PTPRN2: variants seen among roughly 807,000 people sequenced by gnomAD.
PTPRN2 encodes protein tyrosine phosphatase receptor type N2, also known as receptor-type tyrosine-protein phosphatase N2.
A neutral mutation model predicts 118.8 loss-of-function variants in PTPRN2; 74 were observed. The ratio of observed to expected loss-of-function variants is 0.62; its 90% CI spans 0.52 to 0.76. PTPRN2 has a LOEUF of 0.76. PTPRN2 is among the 30% of genes least tolerant of loss of function. The probability of loss-of-function intolerance (pLI) is 0.00; values close to 1 mark genes in which losing one functional copy is unlikely to be tolerated. For missense variants in PTPRN2, 1,481 were observed against 1,394.4 expected, an observed-to-expected ratio of 1.06 and a Z score of -0.99; for synonymous variants, 641 against 608.0, an observed-to-expected ratio of 1.05 and a Z score of -0.80.
rs1014706708 is a variant in PTPRN2 at position 158,544,837 on chromosome 7, G to A, written c.112+42721C>T. 4.6e-5 allele frequency among the ~76,000 whole-genome samples: 7 copies of A among 152,144 alleles called. No homozygotes were observed. The highest frequency in any genetic ancestry group is 7.3e-5 in the Non-Finnish European group (5 of 68,032). On this transcript the variant is annotated intron_variant, in intron 1 of 22. Transcript: ENST00000389418. This position sits in a 1 kb window ranked among gnomAD's most constrained non-coding sequence, Gnocchi z 4.2. ...ACCTGTTGTCCTGGGGTTCAAAGCC[G>A]CTGCCACCTTCTTCCCTTGCAGTTT...
At chr7:158,394,801 T>C (rs553813939) in intron 2 of PTPRN2, among the ~76,000 whole-genome samples, 2 of 152,194 alleles carry the variant, frequency 1.3e-5, no homozygotes, top group South Asian at 4.2e-4. Context: ...CCTGACTCAG[T>C]GTTGGAGACC....
chr7:158,510,484 G>C (rs1321884503), intron 1 of PTPRN2, among the ~76,000 whole-genome samples: 1 of 151,056 alleles, frequency 6.6e-6, no homozygotes, highest in Non-Finnish European at 1.5e-5. Flanking sequence ...CTCTCACCCA[G>C]AGTCCAGGCT....
At chr7:158,494,153 A>G (rs1821657361) in intron 1 of PTPRN2, among the ~76,000 whole-genome samples, 1 of 152,216 alleles carries the variant, frequency 6.6e-6, no homozygotes, top group South Asian at 2.1e-4. Context: ...AAATACAGTA[A>G]ATGTGAACAG....
Position 158,133,797 on chromosome 7 carries a change from C to G in PTPRN2, c.1436G>C (p.Gly479Ala), listed in dbSNP as rs1481549341. 2 of 1,613,966 alleles carry G rather than the reference C, an allele frequency of 1.2e-6. No individual in the cohort carries two copies. Among genetic ancestry groups the G allele is most frequent in the East Asian group, 2.2e-5 (1 of 44,884 alleles). Residue 479 changes from glycine (G) to alanine (A), a missense_variant, in exon 9 of 23, where the codon GGG becomes GCG. Transcript: ENST00000389418. ...AAGGCTCTGCTCCTCCTTCGAGGGC[C>G]CAGGCATCTGGTTTTGGAGCTCCCC... ...AFGELQNQMP[G>A]PSKEEQSLPA...
At chr7:158,203,639 C>G (rs1158581729) in intron 4 of PTPRN2, among the ~76,000 whole-genome samples, 1 of 152,058 alleles carries the variant, frequency 6.6e-6, no homozygotes, top group Non-Finnish European at 1.5e-5. Flanking sequence ...TTGGTTTTCC[C>G]AATTCTTCCA....
intron 3 of PTPRN2, among the ~76,000 whole-genome samples, chr7:158,288,259 AT>A (rs1415869822): frequency 6.6e-6 from 1 of 152,108 alleles, no homozygotes; most frequent in Non-Finnish European, 1.5e-5. Context: ...CTGTCTTTTG[AT>A]TAGAAAATGT....
In PTPRN2 at chr7:157,831,624, C is replaced by T. The variant is rs569716595; in HGVS notation, c.1788+67049G>A. On this transcript the variant is annotated intron_variant, in intron 12 of 22. Transcript: ENST00000389418. The surrounding 1 kb of genome is among the most constrained non-coding windows in gnomAD (Gnocchi z 4.8). ...TCAGAGCCATCTCCACCTGTCAGAA[C>T]GAGCAGGAAGACATCCAACCCTTAT... Among the ~76,000 whole-genome samples, 12 of 152,236 alleles carry T rather than the reference C, an allele frequency of 7.9e-5. No homozygotes were observed. Among genetic ancestry groups the T allele is most frequent in the South Asian group, 4.1e-4 (2 of 4,824 alleles).
At chr7:158,167,989 AAT>A (rs1823185659) in intron 5 of PTPRN2, among the ~76,000 whole-genome samples, 1 of 152,138 alleles carries the variant, frequency 6.6e-6, no homozygotes, top group South Asian at 2.1e-4. Context: ...TCTGTGTATC[AAT>A]GTGTTTTCAA....
At chr7:158,034,527 C>T (rs1036640039) in intron 11 of PTPRN2, among the ~76,000 whole-genome samples, 11 of 151,914 alleles carry the variant, frequency 7.2e-5, no homozygotes, top group Admixed American at 3.3e-4. Context: ...GGGACTTGCT[C>T]CTCCTTGCCT....
At chr7:158,571,529 T>C (rs552165130) in intron 1 of PTPRN2, among the ~76,000 whole-genome samples, 126 of 141,690 alleles carry the variant, frequency 8.9e-4, no homozygotes, top group African/African-American at 3.1e-3. Context: ...CTATTTCTTT[T>C]TTTTTTTTTT....
chr7:158,372,228 T>A (rs565597775), intron 2 of PTPRN2, among the ~76,000 whole-genome samples: 2 of 149,260 alleles, frequency 1.3e-5, no homozygotes, highest in South Asian at 4.3e-4. Flanking sequence ...ACCCCCAGGC[T>A]GGACCCCGGA....
At chr7:158,244,726 AAGTGT>A (rs1796096434) in intron 3 of PTPRN2, among the ~76,000 whole-genome samples, 1 of 52,996 alleles carries the variant, frequency 1.9e-5, no homozygotes, top group Non-Finnish European at 3.6e-5. Flanking sequence ...GTTAGAGTGA[AAGTGT>A]GTGTGTGTGT....
At chr7:158,364,714 C>A (rs1050554975) in intron 2 of PTPRN2, among the ~76,000 whole-genome samples, 3 of 152,166 alleles carry the variant, frequency 2.0e-5, no homozygotes, top group African/African-American at 7.2e-5. Context: ...GTCATCCAAG[C>A]CTCGGATGTG....
intron 12 of PTPRN2, among the ~76,000 whole-genome samples, chr7:157,797,347 T>C (rs540066929): frequency 1.3e-5 from 2 of 152,320 alleles, no homozygotes; most frequent in Admixed American, 1.3e-4. Context: ...ATCCCATCGC[T>C]CATCTTAATT....
chr7:157,566,426 C>T (rs150288421), intron 21 of PTPRN2, among the ~76,000 whole-genome samples: 13 of 152,360 alleles, frequency 8.5e-5, no homozygotes, highest in East Asian at 1.9e-4. Flanking sequence ...AAAACCCCAG[C>T]GCCTCTCAGT....
intron 3 of PTPRN2, among the ~76,000 whole-genome samples, chr7:158,315,894 C>T (rs1324805996): frequency 6.6e-6 from 1 of 152,182 alleles, no homozygotes; most frequent in Non-Finnish European, 1.5e-5. Flanking sequence ...GTTCTGTGGA[C>T]ACCAGTCAGC....
rs151056479 is a variant in PTPRN2, at chr7:158,495,288, T to C, written c.113-5503A>G. ...TTTTTTCCTAGGAACGAACGCATCA[T>C]CATAGAAAAGGAAGGTGCAGTGTTT... On this transcript the variant is annotated intron_variant, in intron 1 of 22. Coordinates refer to ENST00000389418, the MANE Select transcript of PTPRN2 (RefSeq NM_002847.5). 2.9e-3 allele frequency among the ~76,000 whole-genome samples: 439 copies of C among 152,310 alleles called. 1 individual carries two copies. Among genetic ancestry groups the C allele is most frequent in the Middle Eastern group, 6.8e-3 (2 of 294 alleles).
chr7:157,787,053 C>T lies in PTPRN2; in HGVS notation c.1789-104116G>A, dbSNP rs978159851. ...GGCGGGGGACGCGGGGGTGGCTGCCCGGGAGGCGGACGCGGGTGCGGCGGG... is the reference window on the plus strand; with the variant it reads ...GGCGGGGGACGCGGGGGTGGCTGCCTGGGAGGCGGACGCGGGTGCGGCGGG... On this transcript the variant is annotated intron_variant, in intron 12 of 22. Transcript: ENST00000389418. This position sits in a 1 kb window ranked among gnomAD's most constrained non-coding sequence, Gnocchi z 5.3. Among the ~76,000 whole-genome samples, 3 of 144,768 alleles carry T rather than the reference C, an allele frequency of 2.1e-5. No individual in the cohort carries two copies. Among genetic ancestry groups the T allele is most frequent in the Non-Finnish European group, 4.6e-5 (3 of 65,928 alleles). The allele number at this position is 144,768 out of a possible 152,430, so 95.0% of individuals were successfully genotyped here. A position where few individuals can be genotyped will look rare whatever the true frequency, so the allele number is the denominator to read the frequency against.
chr7:158,253,039 G>A (rs1010610271), intron 3 of PTPRN2, among the ~76,000 whole-genome samples: 6 of 152,126 alleles, frequency 3.9e-5, no homozygotes, highest in South Asian at 2.1e-4. Flanking sequence ...TGGTTTCCCC[G>A]GACCAGACCT....
Sources: allele counts gnomAD v4.1 joint callset (sites outside exome capture counted in the v4.1 genomes callset), GRCh38; gene constraint gnomAD v4.1.1; non-coding constraint Gnocchi (gnomAD v3.1); transcripts MANE v1.5; gene names NCBI Gene and HGNC (gene_info 2026-07-23, HGNC 2026-07-21).